EPHA3: variants seen among roughly 807,000 people sequenced by gnomAD.
The protein encoded by EPHA3 is EPH receptor A3, also known as ephrin type-A receptor 3.
EPHA3 carries 42 observed loss-of-function variants against 107.1 expected under a neutral mutation model. The ratio of observed to expected loss-of-function variants is 0.39; its 90% confidence interval spans 0.31 to 0.51. The LOEUF (loss-of-function observed/expected upper bound fraction) is 0.51. EPHA3 is among the 20% of genes least tolerant of loss of function. The probability of loss-of-function intolerance (pLI) is 0.78; values close to 1 mark genes in which losing one functional copy is unlikely to be tolerated. For missense variants in EPHA3, 1,183 were observed against 1,211.2 expected, an observed-to-expected ratio of 0.98 and a Z score of 0.35; for synonymous variants, 461 against 424.8, an observed-to-expected ratio of 1.09 and a Z score of -1.05.
intron 2 of EPHA3, among the ~76,000 whole-genome samples, chr3:89,166,145 C>T (rs1309787783): frequency 6.6e-6 from 1 of 152,164 alleles, no homozygotes; most frequent in Admixed American, 6.5e-5. Flanking sequence ...TCAGCCTAAA[C>T]GTCCGGGTAG....
chr3:89,143,551 G>A (rs181717889), intron 2 of EPHA3, among the ~76,000 whole-genome samples: 3 of 151,644 alleles, frequency 2.0e-5, no homozygotes, highest in East Asian at 1.9e-4. Context: ...CATTCTAGCT[G>A]TCAATTATTT....
intron 11 of EPHA3, among the ~76,000 whole-genome samples, chr3:89,424,604 T>C (rs1709421113): frequency 6.6e-6 from 1 of 151,430 alleles, no homozygotes; most frequent in Non-Finnish European, 1.5e-5. Flanking sequence ...CAGTCTTCAC[T>C]GATATTTTTG....
Position 89,206,970 on chromosome 3 carries a change from C to A in EPHA3, c.154-2890C>A, listed in dbSNP as rs1029386150. ...TGACAATGAAGCTAGGTCAATTTTG[C>A]CTCCAGAAAATGAGTGCCTATCTTG... On this transcript the variant is annotated intron_variant, in intron 2 of 16. Coordinates refer to ENST00000336596, the MANE Select transcript of EPHA3 (RefSeq NM_005233.6). Among the ~76,000 whole-genome samples the A allele has an allele frequency of 4.1e-4, 62 of 151,890 alleles. 1 individual carries two copies. Among genetic ancestry groups the A allele is most frequent in the Non-Finnish European group, 7.4e-4 (50 of 67,972 alleles).
At chr3:89,405,381 A>G (rs1267096940) in intron 7 of EPHA3, among the ~76,000 whole-genome samples, 1 of 152,176 alleles carries the variant, frequency 6.6e-6, no homozygotes, top group Admixed American at 6.5e-5. Context: ...CTGCAGCTGG[A>G]GGCTGTCTGC....
chr3:89,439,689 A>C (rs574802087), intron 13 of EPHA3, among the ~76,000 whole-genome samples: 2 of 151,760 alleles, frequency 1.3e-5, no homozygotes, highest in East Asian at 1.9e-4. Context: ...TTAAAACCTC[A>C]TTGAACTTTT....
Position 89,431,279 on chromosome 3 carries a change from A to G in EPHA3, c.2266A>G (p.Ser756Gly). The change falls in exon 13 of 17, where the codon AGT becomes GGT. Residue 756 changes from serine to glycine, a missense_variant. Coordinates refer to ENST00000336596, the MANE Select transcript of EPHA3 (RefSeq NM_005233.6). ...DLAARNILIN[S>G]NLVCKVSDFG... is the part of the protein sequence containing the mutation. ...CGCTGCTCGGAACATCTTGATCAAC[A>G]GTAACTTGGTGTGTAAGGTTTCTGA... The G allele has an allele frequency of 1.9e-6, 3 of 1,613,720 alleles. No individual in the cohort carries two copies. The highest frequency in any genetic ancestry group is 1.1e-5 in the South Asian group (1 of 91,066).
At chr3:89,322,293 T>A (rs1325135571) in intron 3 of EPHA3, among the ~76,000 whole-genome samples, 1 of 152,142 alleles carries the variant, frequency 6.6e-6, no homozygotes, top group Non-Finnish European at 1.5e-5. Context: ...ATGTGGTTTT[T>A]ATAATCTGGA....
At chr3:89,290,270 C>G (rs1326239268) in intron 3 of EPHA3, among the ~76,000 whole-genome samples, 1 of 152,068 alleles carries the variant, frequency 6.6e-6, no homozygotes, top group African/African-American at 2.4e-5. Context: ...ATTATTTTAA[C>G]CAATTTCATC....
chr3:89,311,953 T>C (rs936904705), intron 3 of EPHA3, among the ~76,000 whole-genome samples: 2 of 152,004 alleles, frequency 1.3e-5, no homozygotes, highest in African/African-American at 2.4e-5. Flanking sequence ...CAAGTAGGTA[T>C]GATTTTGTTG....
At chr3:89,459,782 C>T (rs548595678) in intron 15 of EPHA3, among the ~76,000 whole-genome samples, 1 of 152,230 alleles carries the variant, frequency 6.6e-6, no homozygotes, top group African/African-American at 2.4e-5. Flanking sequence ...CTTGGCCTTT[C>T]AAATTGCTGA....
intron 12 of EPHA3, 125 bp from the exon 13 acceptor site, chr3:89,431,025 G>T: frequency 1.1e-6 from 1 of 887,520 alleles, no homozygotes; most frequent in South Asian, 1.8e-5. Context: ...TGTCTTGAGT[G>T]CTTAGGACTA....
intron 5 of EPHA3, among the ~76,000 whole-genome samples, chr3:89,367,303 A>G (rs1312330176): frequency 2.0e-5 from 3 of 150,414 alleles, no homozygotes; most frequent in African/African-American, 7.3e-5. Flanking sequence ...TTCATTTCTC[A>G]TCTCTCAAAA....
At chr3:89,337,323 CT>C (rs1320194453) in intron 3 of EPHA3, among the ~76,000 whole-genome samples, 1 of 152,128 alleles carries the variant, frequency 6.6e-6, no homozygotes, top group Non-Finnish European at 1.5e-5. Context: ...GATTCCTTCC[CT>C]GTTCAAACTA....
At chr3:89,392,121 CAATT>C (rs1347238167) in intron 5 of EPHA3, among the ~76,000 whole-genome samples, 3 of 152,040 alleles carry the variant, frequency 2.0e-5, no homozygotes, top group East Asian at 3.9e-4. Flanking sequence ...AGTAATCTAT[CAATT>C]AGTTTGTGTA....
At chr3:89,400,609 A>G (rs1244168412) in intron 7 of EPHA3, among the ~76,000 whole-genome samples, 1 of 151,276 alleles carries the variant, frequency 6.6e-6, no homozygotes, top group Non-Finnish European at 1.5e-5. Context: ...AAGAACAGAT[A>G]CATAATTATG....
At chr3:89,110,620 A>G (rs1707080771) in intron 1 of EPHA3, among the ~76,000 whole-genome samples, 1 of 152,012 alleles carries the variant, frequency 6.6e-6, no homozygotes, top group Admixed American at 6.5e-5. Context: ...ACTTTATTAA[A>G]TTCTTATCAG....
chr3:89,185,692 C>A (rs1282661083), intron 2 of EPHA3, among the ~76,000 whole-genome samples: 1 of 152,072 alleles, frequency 6.6e-6, no homozygotes, highest in African/African-American at 2.4e-5. Flanking sequence ...TGCATCCTCA[C>A]AATTTCCACA....
chr3:89,247,036 A>G (rs1248203935), intron 3 of EPHA3, among the ~76,000 whole-genome samples: 2 of 152,320 alleles, frequency 1.3e-5, no homozygotes, highest in Non-Finnish European at 1.5e-5. Context: ...CTTCAGTACC[A>G]TTCAACGAGT....
chr3:89,315,759 T>C (rs919264751), intron 3 of EPHA3, among the ~76,000 whole-genome samples: 6 of 151,890 alleles, frequency 4.0e-5, no homozygotes, highest in Non-Finnish European at 5.9e-5. Flanking sequence ...AAATTATAGG[T>C]GCCAGTAAGT....
Sources: allele counts gnomAD v4.1 joint callset (sites outside exome capture counted in the v4.1 genomes callset), GRCh38; gene constraint gnomAD v4.1.1; transcripts MANE v1.5; gene names NCBI Gene and HGNC (gene_info 2026-07-23, HGNC 2026-07-21).